Variants in DSCAM observed in about 807,000 individuals in gnomAD.
DSCAM encodes the protein DS cell adhesion molecule.
In DSCAM, 47 loss-of-function variants were observed where a neutral mutation model predicts 217.7. The observed-to-expected ratio is 0.22, with a 90% confidence interval of 0.17 to 0.28. The LOEUF (loss-of-function observed/expected upper bound fraction) is 0.28, where lower values mean the gene tolerates loss of function less well. Among genes scored for constraint, DSCAM ranks in the 10% least tolerant of loss-of-function variants. DSCAM has a pLI of 1.00. For synonymous variants in DSCAM, 1,056 were observed against 1,015.3 expected, an observed-to-expected ratio of 1.04 and a Z score of -0.76; for missense variants, 2,080 against 2,618.3, an observed-to-expected ratio of 0.79 and a Z score of 4.49.
intron 20 of DSCAM, among the ~76,000 whole-genome samples, chr21:40,108,936 T>C (rs181866860): frequency 6.6e-6 from 1 of 152,306 alleles, no homozygotes; most frequent in African/African-American, 2.4e-5. Context: ...CTGGGATAAC[T>C]AGCTAGCCAT....
intron 1 of DSCAM, among the ~76,000 whole-genome samples, chr21:40,764,992 C>T (rs1311658505): frequency 1.3e-5 from 2 of 151,872 alleles, no homozygotes; most frequent in Admixed American, 1.3e-4. Context: ...GGAAAAATGC[C>T]CAATGCATGC....
chr21:40,541,777 T>C (rs2076544734), intron 3 of DSCAM, among the ~76,000 whole-genome samples: 1 of 152,214 alleles, frequency 6.6e-6, no homozygotes, highest in South Asian at 2.1e-4. Context: ...AGTATATTGA[T>C]GTTTAGGAAG....
intron 8 of DSCAM, among the ~76,000 whole-genome samples, chr21:40,317,235 G>C (rs2074207262): frequency 6.6e-6 from 1 of 152,160 alleles, no homozygotes. Context: ...CTGGTTATCT[G>C]GTCAATTCTG....
chr21:40,425,063 A>G (rs751473774), intron 3 of DSCAM, among the ~76,000 whole-genome samples: 6 of 152,120 alleles, frequency 3.9e-5, no homozygotes, highest in Non-Finnish European at 5.9e-5. Context: ...GCACCACTGC[A>G]CTCTCTGTGA....
At chr21:40,674,314 T>C (rs994867675) in intron 3 of DSCAM, among the ~76,000 whole-genome samples, 1 of 152,234 alleles carries the variant, frequency 6.6e-6, no homozygotes, top group Non-Finnish European at 1.5e-5. Flanking sequence ...TCAGTTGTTG[T>C]AGCATTAATT....
Position 40,085,658 on chromosome 21 carries a change from C to T in DSCAM, c.4076G>A (p.Cys1359Tyr). The T allele has an allele frequency of 6.3e-7, 1 of 1,591,494 alleles. No individual in the cohort carries two copies. The highest frequency in any genetic ancestry group is 8.6e-7 in the Non-Finnish European group (1 of 1,162,586). ...VKAEDSGYYS[C>Y]IANNNWGSDE... The stretch of plus-strand genomic sequence containing the variant: ...AGATCCCCAGTTGTTATTGGCAATG[C>T]AGCTGTAATAGCCGGAGTCTTCTGC... The change falls in exon 23 of 33, where the codon TGC (cysteine) becomes TAC (tyrosine). Residue 1359 changes from cysteine (C) to tyrosine (Y), a missense_variant. Physicochemically the swap from Cys to Tyr is radical, Grantham distance 194 (BLOSUM62 -2). This residue lies in a region of DSCAM where 1,144 missense variants were observed against 1,421.1 expected (regional missense o/e 0.81). Transcript: ENST00000400454.
At chr21:40,058,568 T>C (rs1263699025) in intron 28 of DSCAM, among the ~76,000 whole-genome samples, 2 of 152,190 alleles carry the variant, frequency 1.3e-5, no homozygotes, top group Admixed American at 1.3e-4. Flanking sequence ...CTCACATTGA[T>C]TTATTTTGAG....
At chr21:40,822,415 G>C (rs1217392813) in intron 1 of DSCAM, among the ~76,000 whole-genome samples, 1 of 134,360 alleles carries the variant, frequency 7.4e-6, no homozygotes, top group East Asian at 2.1e-4. Flanking sequence ...TTGTCTCCTT[G>C]TTTTATTAGC....
chr21:40,614,424 C>A (rs1340640147), intron 3 of DSCAM, among the ~76,000 whole-genome samples: 1 of 152,062 alleles, frequency 6.6e-6, no homozygotes, highest in Non-Finnish European at 1.5e-5. Flanking sequence ...CTTACAAACA[C>A]CAAACTGTTG....
intron 17 of DSCAM, 74 bp from the exon 18 acceptor site, chr21:40,142,778 T>C: frequency 6.7e-7 from 1 of 1,497,660 alleles, no homozygotes. Context: ...AAAAGCAACG[T>C]ATTTTAATAT....
At chr21:40,437,634 C>T (rs368439706) in intron 3 of DSCAM, among the ~76,000 whole-genome samples, 4 of 151,958 alleles carry the variant, frequency 2.6e-5, no homozygotes, top group African/African-American at 4.8e-5. Flanking sequence ...GCAGATCACT[C>T]GAGGTTGGGA....
At chr21:40,061,483 C>T (rs150030560) in intron 28 of DSCAM, among the ~76,000 whole-genome samples, 98 of 151,466 alleles carry the variant, frequency 6.5e-4, no homozygotes, top group African/African-American at 2.3e-3. Context: ...GCAGGAAAAT[C>T]GCTTGAACCT....
At chr21:40,019,847 A>G (rs2088229756) in intron 32 of DSCAM, among the ~76,000 whole-genome samples, 1 of 152,156 alleles carries the variant, frequency 6.6e-6, no homozygotes, top group South Asian at 2.1e-4. Context: ...ATTTTTGGCA[A>G]TGATTTCCAT....
chr21:40,788,097 C>T (rs757003514), intron 1 of DSCAM, among the ~76,000 whole-genome samples: 1 of 152,208 alleles, frequency 6.6e-6, no homozygotes, highest in Non-Finnish European at 1.5e-5. Context: ...CCACTTTCCT[C>T]GCCCTCTTCC....
intron 19 of DSCAM, 101 bp from the exon 20 acceptor site, chr21:40,124,429 T>G: frequency 1.4e-6 from 2 of 1,476,256 alleles, no homozygotes; most frequent in Non-Finnish European, 1.8e-6. Context: ...TGTTCAGCTC[T>G]TTCAGGATGA....
At chr21:40,184,335 A>G (rs1253699277) in intron 14 of DSCAM, among the ~76,000 whole-genome samples, 2 of 152,214 alleles carry the variant, frequency 1.3e-5, no homozygotes, top group Non-Finnish European at 2.9e-5. Flanking sequence ...TACTCTCAGC[A>G]CAGCTCCTTC....
intron 30 of DSCAM, among the ~76,000 whole-genome samples, chr21:40,049,293 T>G (rs549344604): frequency 6.6e-6 from 1 of 152,258 alleles, no homozygotes; most frequent in South Asian, 2.1e-4. Context: ...TCTCACCTTT[T>G]CCCTGCCTTT....
At chr21:40,419,928 A>T (rs946237683) in intron 3 of DSCAM, among the ~76,000 whole-genome samples, 4 of 152,184 alleles carry the variant, frequency 2.6e-5, no homozygotes, top group African/African-American at 9.6e-5. Context: ...CCTATAAAAA[A>T]GTTTGGATAA....
chr21:40,741,645 AG>A (rs1253151714), intron 1 of DSCAM, among the ~76,000 whole-genome samples: 2 of 152,224 alleles, frequency 1.3e-5, no homozygotes, highest in Non-Finnish European at 2.9e-5. Flanking sequence ...CCAGACTAGC[AG>A]GTTCTAGCTA....
Sources: gnomAD v4.1 joint callset for allele counts (sites outside exome capture counted in the v4.1 genomes callset) on GRCh38, gnomAD v4.1.1 for gene constraint, gnomAD v4.1.1 regional missense constraint, MANE v1.5 for transcripts, NCBI Gene and HGNC (gene_info 2026-07-23, HGNC 2026-07-21) for gene names.